The following LSM6 variants were observed in gnomAD, a reference collection of about 807,000 sequenced individuals.
LSM6 encodes LSM6 homolog, U6 small nuclear RNA and mRNA degradation associated, also known as U6 snRNA-associated Sm-like protein LSm6.
Under a neutral mutation model 13.5 loss-of-function variants are expected in LSM6, and 2 were observed. That is an observed-to-expected ratio of 0.15 (90% CI 0.06 to 0.47). LSM6 has a LOEUF of 0.47. LSM6 is among the 20% of genes least tolerant of loss of function. LSM6 has a pLI of 0.97. For missense variants in LSM6, 58 were observed against 96.4 expected, an observed-to-expected ratio of 0.60 and a Z score of 1.67; for synonymous variants, 43 against 34.9, an observed-to-expected ratio of 1.23 and a Z score of -0.82.
At chr4:146,183,079 T>G in intron 2 of LSM6, 64 bp downstream of exon 2, 1 of 1,205,368 alleles carries the variant, frequency 8.3e-7, no homozygotes, top group East Asian at 2.4e-5. Context: ...TTACTGATAT[T>G]TATTAACCTC....
intron 1 of LSM6, among the ~76,000 whole-genome samples, chr4:146,177,324 C>G (rs1052997565): frequency 1.3e-5 from 2 of 152,206 alleles, no homozygotes; most frequent in African/African-American, 4.8e-5. Flanking sequence ...TTTACATCAC[C>G]TGGGTTATTC....
Position 146,182,957 on chromosome 4 carries a change from A to G in LSM6, c.36A>G (p.Leu12=). The part of the protein sequence containing the change: ...SLRKQTPSDF[L]KQIIGRPVVV... ...GGAAGCAAACCCCTAGTGACTTCTT[A>G]AAGCAAATCATCGGACGACCAGTTG... Residue 12 remains leucine (L), a synonymous_variant, in exon 2 of 4, where the codon TTA becomes TTG. Coordinates refer to ENST00000296581, the MANE Select transcript of LSM6 (RefSeq NM_007080.3). 6.2e-7 allele frequency: 1 copy of G among 1,613,512 alleles called. No homozygotes were observed. Among genetic ancestry groups the G allele is most frequent in the African/African-American group, 1.3e-5 (1 of 75,032 alleles).
In LSM6 at chr4:146,175,804, C is replaced by T. The variant is rs904089616; in HGVS notation, c.-18C>T. 6.6e-6 allele frequency: 1 copy of T among 152,388 alleles called. No homozygotes were observed. The highest frequency in any genetic ancestry group is 2.4e-5 in the African/African-American group (1 of 41,472). 9.4% of individuals were successfully genotyped at this position (152,388 alleles called of 1,614,324 possible). On this transcript the variant is annotated 5_prime_UTR_variant, in exon 1 of 4. Coordinates refer to ENST00000296581, the MANE Select transcript of LSM6 (RefSeq NM_007080.3). ...CCTGGAGTGAGGGTTCTGGTTCCCGCCGGCGAGGTGAGCCGCACCGCTGCG... is the reference window on the plus strand; with the variant it reads ...CCTGGAGTGAGGGTTCTGGTTCCCGTCGGCGAGGTGAGCCGCACCGCTGCG...
intron 3 of LSM6, among the ~76,000 whole-genome samples, chr4:146,188,790 C>T (rs1052288121): frequency 6.6e-6 from 1 of 151,886 alleles, no homozygotes; most frequent in South Asian, 2.1e-4. Context: ...AACGGGAACT[C>T]AGAATAAGGA....
chr4:146,189,807 G>A lies in LSM6; in HGVS notation c.*151G>A, dbSNP rs1370836213. ...GTGAGTAAGATAAATGTATACAATT[G>A]TGGATTTAATTGTGAAATGTTCTTT... is the stretch of plus-strand genomic sequence containing the variant. On this transcript the variant is annotated 3_prime_UTR_variant, in exon 4 of 4. Transcript: ENST00000296581. 5 of 573,664 alleles carry A rather than the reference G, an allele frequency of 8.7e-6. No homozygotes were observed. The highest frequency in any genetic ancestry group is 9.3e-6 in the Non-Finnish European group (3 of 323,986). The allele number at this position is 573,664 out of a possible 1,614,324, so 35.5% of individuals were successfully genotyped here.
chr4:146,188,483 A>G (rs149680564), intron 3 of LSM6, among the ~76,000 whole-genome samples: 7 of 152,216 alleles, frequency 4.6e-5, no homozygotes, highest in Non-Finnish European at 8.8e-5. Flanking sequence ...AATCAGTGAC[A>G]CTCATCTTTA....
At chr4:146,180,592 T>C (rs1253958643) in intron 1 of LSM6, among the ~76,000 whole-genome samples, 1 of 152,258 alleles carries the variant, frequency 6.6e-6, no homozygotes, top group Non-Finnish European at 1.5e-5. Context: ...GCTTTTCAAA[T>C]GTTTTTAATC....
In LSM6 at chr4:146,187,260, A is replaced by G. The variant is rs764015185; in HGVS notation, c.95-14A>G. The G allele has an allele frequency of 1.3e-6, 2 of 1,497,438 alleles. No homozygotes were observed. The highest frequency in any genetic ancestry group is 2.8e-5 in the African/African-American group (2 of 72,624). 92.8% of individuals were successfully genotyped at this position (1,497,438 alleles called of 1,614,324 possible). On this transcript the variant is annotated splice_polypyrimidine_tract_variant and intron_variant, in intron 2 of 3. Transcript: ENST00000296581. ...TGCCTTGTGTATCTTCTTTTTGACT[A>G]AATATGTCTGCAGGGGTCCTGGCTT... is the stretch of plus-strand genomic sequence containing the variant.
At chr4:146,188,134 T>C (rs1730388177) in intron 3 of LSM6, among the ~76,000 whole-genome samples, 1 of 152,226 alleles carries the variant, frequency 6.6e-6, no homozygotes, top group Non-Finnish European at 1.5e-5. Flanking sequence ...TCCTGACTTT[T>C]ATAATAAGAG....
At chr4:146,187,517 G>A (rs1730374478) in intron 3 of LSM6, 130 bp downstream of exon 3, 4 of 584,546 alleles carry the variant, frequency 6.8e-6, no homozygotes, top group Non-Finnish European at 1.2e-5. Context: ...ATGCTTATAT[G>A]TCAGATCTTC....
rs925912030 is a variant in LSM6 at position 146,191,527 on chromosome 4, G to A, written c.*1871G>A. 1 of 152,190 alleles carries A rather than the reference G, an allele frequency of 6.6e-6. No homozygotes were observed. The highest frequency in any genetic ancestry group is 1.9e-4 in the East Asian group (1 of 5,198). 9.4% of individuals were successfully genotyped at this position (152,190 alleles called of 1,614,324 possible). On this transcript the variant is annotated 3_prime_UTR_variant, in exon 4 of 4. Coordinates refer to ENST00000296581, the MANE Select transcript of LSM6 (RefSeq NM_007080.3). ...TTATGGTAATAAAGGACTGTATTAT[G>A]CACTTGAACCCGCTCAAGTTGTCCC...
At chr4:146,186,442 A>C (rs1179519855) in intron 2 of LSM6, among the ~76,000 whole-genome samples, 1 of 152,122 alleles carries the variant, frequency 6.6e-6, no homozygotes, top group East Asian at 1.9e-4. Context: ...TTTTCTAGGA[A>C]ATACCACTTT....
At chr4:146,177,317 A>C (rs928489728) in intron 1 of LSM6, among the ~76,000 whole-genome samples, 1 of 152,212 alleles carries the variant, frequency 6.6e-6, no homozygotes, top group Non-Finnish European at 1.5e-5. Flanking sequence ...AAATTTGTTT[A>C]CATCACCTGG....
rs1034660590 is a variant in LSM6 at position 146,191,327 on chromosome 4, C to T, written c.*1671C>T. 3.3e-5 allele frequency: 5 copies of T among 152,208 alleles called. No individual in the cohort carries two copies. The highest frequency in any genetic ancestry group is 1.2e-4 in the African/African-American group (5 of 41,462). The allele number at this position is 152,208 out of a possible 1,614,324, so 9.4% of individuals were successfully genotyped here. ...TCTAAAAGCAATTCCATTGTAGTCT[C>T]CCACTAATCTGTAGCGTCCTGTTTT... On this transcript the variant is annotated 3_prime_UTR_variant, in exon 4 of 4. Transcript: ENST00000296581.
chr4:146,180,751 G>T (rs763778143), intron 1 of LSM6: 4 of 152,168 alleles, frequency 2.6e-5, no homozygotes, highest in Admixed American at 1.3e-4. Flanking sequence ...TAATGAAACT[G>T]TGGCATAATG....
At chr4:146,178,701 A>G (rs1730166385) in intron 1 of LSM6, among the ~76,000 whole-genome samples, 2 of 152,244 alleles carry the variant, frequency 1.3e-5, no homozygotes, top group Non-Finnish European at 2.9e-5. Context: ...ATCACATGAG[A>G]TAGATTTCTT....
chr4:146,181,801 A>G (rs76895873), intron 1 of LSM6, among the ~76,000 whole-genome samples: 7,170 of 152,270 alleles, frequency 0.047, 286 homozygotes, highest in East Asian at 0.15. Flanking sequence ...ATTTTTACTC[A>G]GTTTTTGCTT....
intron 2 of LSM6, among the ~76,000 whole-genome samples, chr4:146,186,762 T>C (rs1002996835): frequency 2.6e-5 from 4 of 152,238 alleles, no homozygotes; most frequent in Non-Finnish European, 5.9e-5. Context: ...TCTTCTATTA[T>C]TTTAACAGAT....
At position 146,190,350 on chromosome 4, in the gene LSM6, C is replaced by A. The variant is rs1258991930; in HGVS notation, c.*694C>A. On this transcript the variant is annotated 3_prime_UTR_variant, in exon 4 of 4. Coordinates refer to ENST00000296581, the MANE Select transcript of LSM6 (RefSeq NM_007080.3). Reference sequence around the variant, plus strand: ...TTATGCAATTAGACTTTTTAGGTTTCCCTGCTCCCTTTCAGGAGCATTGGC... The same window carrying A: ...TTATGCAATTAGACTTTTTAGGTTTACCTGCTCCCTTTCAGGAGCATTGGC... The A allele has an allele frequency of 6.6e-6, 1 of 152,370 alleles. No individual in the cohort carries two copies. Among genetic ancestry groups the A allele is most frequent in the Non-Finnish European group, 1.5e-5 (1 of 68,154 alleles). The allele number at this position is 152,370 out of a possible 1,614,324, so 9.4% of individuals were successfully genotyped here.
Sources: gnomAD v4.1 joint callset for allele counts (sites outside exome capture counted in the v4.1 genomes callset) on GRCh38, gnomAD v4.1.1 for gene constraint, MANE v1.5 for transcripts, NCBI Gene and HGNC (gene_info 2026-07-23, HGNC 2026-07-21) for gene names.